PARP16: variants seen among roughly 807,000 people sequenced by gnomAD.
The protein encoded by PARP16 is poly(ADP-ribose) polymerase family member 16.
A neutral mutation model predicts 35.0 loss-of-function variants in PARP16; 31 were observed. The observed-to-expected ratio is 0.88, with a 90% CI of 0.66 to 1.19. The LOEUF (loss-of-function observed/expected upper bound fraction) is 1.19. Ranked by LOEUF, PARP16 falls within the 50% of genes most tolerant of loss-of-function variation. The pLI is 0.00. For synonymous variants in PARP16, 162 were observed against 169.5 expected, an observed-to-expected ratio of 0.96 and a Z score of 0.34; for missense variants, 424 against 411.2, an observed-to-expected ratio of 1.03 and a Z score of -0.27.
At chr15:65,268,078 C>T (rs2089967243) in intron 2 of PARP16, among the ~76,000 whole-genome samples, 1 of 152,156 alleles carries the variant, frequency 6.6e-6, no homozygotes, top group African/African-American at 2.4e-5. Flanking sequence ...CATCCTTGTC[C>T]ATGCACCCCT....
chr15:65,257,606 A>G (rs1968568), downstream of PARP16, among the ~76,000 whole-genome samples: 100,118 of 139,380 alleles, frequency 0.72, 36,622 homozygotes, highest in East Asian at 0.99. Flanking sequence ...CTCCAGCCTG[A>G]GTGACAGAGC....
chr15:65,266,535 A>T (rs750219989), intron 3 of PARP16, 27 bp downstream of exon 3: 14 of 1,564,466 alleles, frequency 8.9e-6, no homozygotes, highest in Non-Finnish European at 1.2e-5. Context: ...GCTTCCCCAC[A>T]TCAGCAGGGT....
intron 5 of PARP16, among the ~76,000 whole-genome samples, chr15:65,259,898 G>C (rs2089644620): frequency 6.6e-6 from 1 of 152,162 alleles, no homozygotes; most frequent in African/African-American, 2.4e-5. Flanking sequence ...TAATTTAGCT[G>C]AAGTCTTTTC....
At chr15:65,257,629 C>CAAAAA (rs5813342), downstream of PARP16, among the ~76,000 whole-genome samples, 1 of 66,908 alleles carries the variant, frequency 1.5e-5, no homozygotes, top group Non-Finnish European at 2.8e-5. Context: ...GACTCTGTCT[C>CAAAAA]AAAAAAAAAA....
In PARP16 at chr15:65,266,540, C is replaced by T. The variant is rs747030139; in HGVS notation, c.519+22G>A. On this transcript the variant is annotated intron_variant, in intron 3 of 5. Transcript: ENST00000649807. Reference sequence around the variant, plus strand: ...CTCCATCCCTGCTTCCCCACATCAGCAGGGTGTCCCTTAGGCCCCACCTTG... The same window carrying T: ...CTCCATCCCTGCTTCCCCACATCAGTAGGGTGTCCCTTAGGCCCCACCTTG... 14 of 1,592,986 alleles carry T rather than the reference C, an allele frequency of 8.8e-6. No homozygotes were observed. The South Asian group carries it at 1.5e-4, about 18-fold the overall frequency.
intron 3 of PARP16, among the ~76,000 whole-genome samples, chr15:65,263,847 T>C (rs923559763): frequency 5.9e-5 from 9 of 152,098 alleles, no homozygotes; most frequent in African/African-American, 2.2e-4. Flanking sequence ...GTAATTCCTG[T>C]TACATGAATG....
At chr15:65,252,652 C>T (rs1370377031) in intron 2 of PARP16, among the ~76,000 whole-genome samples, 3 of 152,212 alleles carry the variant, frequency 2.0e-5, no homozygotes, top group African/African-American at 7.2e-5. Flanking sequence ...CGGCCCCACC[C>T]CTTGACATGG....
intron 4 of PARP16, among the ~76,000 whole-genome samples, chr15:65,261,549 G>A (rs576105963): frequency 6.6e-6 from 1 of 150,926 alleles, no homozygotes; most frequent in African/African-American, 2.4e-5. Context: ...TCTGCCTCCC[G>A]GGTTCAAGCA....
At chr15:65,279,623 G>A (rs1375382262) in intron 1 of PARP16, among the ~76,000 whole-genome samples, 1 of 152,078 alleles carries the variant, frequency 6.6e-6, no homozygotes, top group Non-Finnish European at 1.5e-5. Context: ...GAAATAAAAA[G>A]GTAATCTGAG....
At chr15:65,246,690 A>C (rs1397689046) in intron 3 of PARP16, among the ~76,000 whole-genome samples, 2 of 152,180 alleles carry the variant, frequency 1.3e-5, no homozygotes, top group African/African-American at 2.4e-5. Flanking sequence ...TTATCTGTAC[A>C]CAAGACTGAG....
rs759147273 is a variant in PARP16, at chr15:65,260,953, G to A, written c.765C>T (p.Phe255=). The change falls in exon 5 of 6, where the codon TTC becomes TTT. Residue 255 remains phenylalanine, a synonymous_variant. Transcript: ENST00000649807. ...GCAGCAGCTGGTTATTGGTGACCAC[G>A]AAGTACTTGGGAGGGATGTCTCCCC... The part of the protein sequence containing the change: ...SEGGDIPPKY[F]VVTNNQLLRV... 2.3e-5 allele frequency: 37 copies of A among 1,613,598 alleles called. No homozygotes were observed. The Middle Eastern group carries it at 6.6e-4, about 29-fold the overall frequency.
downstream of PARP16, among the ~76,000 whole-genome samples, chr15:65,253,353 C>T (rs562563128): frequency 6.1e-4 from 92 of 149,606 alleles, no homozygotes; most frequent in African/African-American, 2.1e-3. Context: ...TTTTTTGAGA[C>T]GGAGTCTCGC....
At position 65,259,089 on chromosome 15, in the gene PARP16, A is replaced by G. The variant is rs1188703305; in HGVS notation, c.*318T>C. 4.5e-6 allele frequency: 1 copy of G among 223,564 alleles called. No homozygotes were observed. Among genetic ancestry groups the G allele is most frequent in the Non-Finnish European group, 8.9e-6 (1 of 112,344 alleles). 13.8% of individuals were successfully genotyped at this position (223,564 alleles called of 1,614,324 possible). On this transcript the variant is annotated 3_prime_UTR_variant, in exon 6 of 6. Coordinates refer to ENST00000649807, the MANE Select transcript of PARP16 (RefSeq NM_001316943.2). ...TGTAAACACACCACTGACAGCTTGG[A>G]CACTTTGTTTTTAAATGCAGCAGGG...
chr15:65,247,508 C>T (rs2089240494), intron 3 of PARP16, among the ~76,000 whole-genome samples: 1 of 152,150 alleles, frequency 6.6e-6, no homozygotes, highest in Non-Finnish European at 1.5e-5. Context: ...CTTCTGTAAA[C>T]CACACAAGGC....
intron 2 of PARP16, among the ~76,000 whole-genome samples, chr15:65,269,257 C>T (rs1401438653): frequency 6.6e-6 from 1 of 150,702 alleles, no homozygotes; most frequent in Non-Finnish European, 1.5e-5. Context: ...AGTGCAGTGG[C>T]GGCATCTTGG....
intron 4 of PARP16, among the ~76,000 whole-genome samples, chr15:65,261,269 T>C (rs1005068477): frequency 6.6e-6 from 1 of 150,892 alleles, no homozygotes; most frequent in African/African-American, 2.4e-5. Flanking sequence ...AAAACTCAAC[T>C]GAGTGGGGAG....
chr15:65,263,194 C>T lies in PARP16; in HGVS notation c.646G>A (p.Glu216Lys), dbSNP rs1246213924. The part of the protein sequence containing the change: ...GPILSCVAVC[E>K]VIDHPDVKCQ... Reference sequence around the variant, plus strand: ...TTGACGTCCGGATGGTCAATGACCTCACACACGGCCACACAGCTAAGGATG... The same window carrying T: ...TTGACGTCCGGATGGTCAATGACCTTACACACGGCCACACAGCTAAGGATG... Residue 216 changes from glutamate (E) to lysine (K), a missense_variant, in exon 4 of 6, where the codon GAG becomes AAG. Physicochemically the swap from Glu to Lys is moderately conservative, Grantham distance 56. Coordinates refer to ENST00000649807, the MANE Select transcript of PARP16 (RefSeq NM_001316943.2). 2 of 1,614,182 alleles carry T rather than the reference C, an allele frequency of 1.2e-6. No individual in the cohort carries two copies. The highest frequency in any genetic ancestry group is 4.5e-5 in the East Asian group (2 of 44,882).
Position 65,266,713 on chromosome 15 carries a change from T to G in PARP16, c.368A>C (p.Asp123Ala). The G allele has an allele frequency of 6.2e-7, 1 of 1,614,104 alleles. No individual in the cohort carries two copies. The highest frequency in any genetic ancestry group is 8.5e-7 in the Non-Finnish European group (1 of 1,179,996). Residue 123 changes from aspartate to alanine, a missense_variant, in exon 3 of 6, where the codon GAC (aspartate) becomes GCC (alanine). Physicochemically the swap from Asp to Ala is moderately radical, Grantham distance 126. Coordinates refer to ENST00000649807, the MANE Select transcript of PARP16 (RefSeq NM_001316943.2). ...AAAGTACTCAATTTCAAACAGGAAG[T>G]CCGGTGCAGGAACAGGCGTGTGAGG... ...GAPHTPVPAPDFLFEIEYFDP... is the reference protein window; with the variant it reads ...GAPHTPVPAPAFLFEIEYFDP...
At chr15:65,262,164 G>A (rs1405663452) in intron 4 of PARP16, among the ~76,000 whole-genome samples, 7 of 140,464 alleles carry the variant, frequency 5.0e-5, no homozygotes, top group Admixed American at 4.6e-4. Context: ...ATGGAGTCTC[G>A]CTCTGTTGCC....
Sources: allele counts gnomAD v4.1 joint callset (sites outside exome capture counted in the v4.1 genomes callset), GRCh38; gene constraint gnomAD v4.1.1; transcripts MANE v1.5; gene names NCBI Gene and HGNC (gene_info 2026-07-23, HGNC 2026-07-21).